The following TBC1D22A variants were observed in gnomAD, a reference collection of about 807,000 sequenced individuals.
The protein encoded by TBC1D22A is putative GTPase activator.
In TBC1D22A, 38 loss-of-function variants were observed where a neutral mutation model predicts 60.2. The observed-to-expected ratio is 0.63, with a 90% CI of 0.49 to 0.83. The LOEUF (loss-of-function observed/expected upper bound fraction) is 0.83, where lower values mean the gene tolerates loss of function less well. Among genes scored for constraint, TBC1D22A ranks in the 40% least tolerant of loss-of-function variants. The pLI, the probability that TBC1D22A is intolerant of heterozygous loss-of-function variation, is 0.00. For synonymous variants in TBC1D22A, 302 were observed against 281.7 expected, an observed-to-expected ratio of 1.07 and a Z score of -0.72; for missense variants, 628 against 701.0, an observed-to-expected ratio of 0.90 and a Z score of 1.18.
intron 11 of TBC1D22A, among the ~76,000 whole-genome samples, chr22:47,052,689 G>A (rs115162092): frequency 0.02 from 2,972 of 152,316 alleles, 99 homozygotes; most frequent in African/African-American, 0.064. Flanking sequence ...CCTGTCCTGA[G>A]CAGGACTCCT....
chr22:46,797,087 C>T (rs978530009), intron 3 of TBC1D22A, among the ~76,000 whole-genome samples: 2 of 151,972 alleles, frequency 1.3e-5, no homozygotes, highest in East Asian at 2.0e-4. Context: ...CCGAGGGCAC[C>T]GTCCTACACA....
chr22:46,954,076 C>T lies in TBC1D22A; in HGVS notation c.1016-20214C>T, dbSNP rs192747927. Reference sequence around the variant, plus strand: ...GGTCGAGGATCAGGTCACGGTCACACTAGTGTAGTTAAAATGCTGTTACCA... The same window carrying T: ...GGTCGAGGATCAGGTCACGGTCACATTAGTGTAGTTAAAATGCTGTTACCA... On this transcript the variant is annotated intron_variant, in intron 8 of 12. Transcript: ENST00000337137. Among the ~76,000 whole-genome samples, 5 of 152,292 alleles carry T rather than the reference C, an allele frequency of 3.3e-5. No homozygotes were observed. In the South Asian group the frequency reaches 1.0e-3, roughly 32 times the overall value.
At chr22:46,850,248 G>A (rs968561861) in intron 4 of TBC1D22A, among the ~76,000 whole-genome samples, 10 of 152,154 alleles carry the variant, frequency 6.6e-5, no homozygotes, top group Admixed American at 3.9e-4. Context: ...TGTGCCGTGG[G>A]GTTGTGGGTG....
At chr22:46,902,656 C>T (rs191255530) in intron 7 of TBC1D22A, among the ~76,000 whole-genome samples, 201 of 152,364 alleles carry the variant, frequency 1.3e-3, no homozygotes, top group East Asian at 3.1e-3. Context: ...GCTGACTCTT[C>T]GCCTCCACTC....
chr22:46,882,382 C>G (rs903791883), intron 5 of TBC1D22A, among the ~76,000 whole-genome samples: 2 of 152,100 alleles, frequency 1.3e-5, no homozygotes, highest in African/African-American at 4.8e-5. Context: ...AATACTGTTA[C>G]GTCGGTTCTT....
chr22:47,109,014 C>T (rs548379390), intron 11 of TBC1D22A, among the ~76,000 whole-genome samples: 31 of 152,234 alleles, frequency 2.0e-4, no homozygotes, highest in South Asian at 6.2e-4. Context: ...TAAAGTTTAT[C>T]GTATGAGAGT....
intron 11 of TBC1D22A, among the ~76,000 whole-genome samples, chr22:47,055,632 GGGAGGCAGAGA>G (rs1431739318): frequency 1.3e-5 from 2 of 152,214 alleles, no homozygotes; most frequent in East Asian, 3.9e-4. Flanking sequence ...GGTAGGTGTG[GGGAGGCAGAGA>G]GGTGCAGCCA....
intron 9 of TBC1D22A, among the ~76,000 whole-genome samples, chr22:46,992,578 C>A (rs1163962580): frequency 2.6e-5 from 4 of 152,234 alleles, no homozygotes; most frequent in African/African-American, 9.6e-5. Flanking sequence ...GATAGCATTC[C>A]CAGGCCTGCG....
At chr22:47,074,555 T>G (rs6009121) in intron 11 of TBC1D22A, among the ~76,000 whole-genome samples, 72,287 of 152,142 alleles carry the variant, frequency 0.48, 17,934 homozygotes, top group African/African-American at 0.59. Context: ...AGTGAATAAT[T>G]TACTTCTTTG....
intron 8 of TBC1D22A, among the ~76,000 whole-genome samples, chr22:46,966,668 G>A (rs2073819941): frequency 6.6e-6 from 1 of 152,170 alleles, no homozygotes; most frequent in South Asian, 2.1e-4. Flanking sequence ...GATACAGAAG[G>A]TTTCTTTCAC....
intron 1 of TBC1D22A, among the ~76,000 whole-genome samples, chr22:46,786,046 G>A (rs1401835993): frequency 6.6e-6 from 1 of 152,182 alleles, no homozygotes; most frequent in Non-Finnish European, 1.5e-5. Context: ...GCCTCCCAAA[G>A]TGCTGGATTA....
intron 8 of TBC1D22A, among the ~76,000 whole-genome samples, chr22:46,935,979 T>C (rs1159827437): frequency 6.6e-6 from 1 of 152,272 alleles, no homozygotes; most frequent in Non-Finnish European, 1.5e-5. Context: ...TCTGAAGCGC[T>C]GTGCTTATGC....
intron 8 of TBC1D22A, among the ~76,000 whole-genome samples, chr22:46,945,560 T>C (rs994010828): frequency 5.9e-5 from 9 of 152,174 alleles, no homozygotes; most frequent in Non-Finnish European, 1.3e-4. Flanking sequence ...GCTGACGGCA[T>C]TTCTCGTTAT....
chr22:46,781,140 G>GTTT lies in TBC1D22A; in HGVS notation c.63-11365_63-11363dup, dbSNP rs377531996. On this transcript the variant is annotated intron_variant, in intron 1 of 12. Coordinates refer to ENST00000337137, the MANE Select transcript of TBC1D22A (RefSeq NM_014346.5). The stretch of plus-strand genomic sequence containing the variant: ...TCCCTGGAGGTGCCCTCCCAATTTT[G>GTTT]TTTTTTTTTTTTTTTTTAGACAGGG... Among the ~76,000 whole-genome samples the GTTT allele has an allele frequency of 1.3e-3, 171 of 128,936 alleles. 2 individuals are homozygous for GTTT. Among genetic ancestry groups the GTTT allele is most frequent in the African/African-American group, 4.1e-3 (141 of 34,010 alleles). 84.6% of individuals were successfully genotyped at this position (128,936 alleles called of 152,430 possible). A position where few individuals can be genotyped will look rare whatever the true frequency, so the allele number is the denominator to read the frequency against.
intron 12 of TBC1D22A, among the ~76,000 whole-genome samples, chr22:47,135,121 C>G (rs2066816089): frequency 6.6e-6 from 1 of 152,248 alleles, no homozygotes; most frequent in Non-Finnish European, 1.5e-5. Context: ...GAGTGTCTTC[C>G]TCAGGGATAA....
rs751107155 is a variant in TBC1D22A at position 47,156,187 on chromosome 22, G to A, written c.1426-17311G>A. 1.5e-4 allele frequency among the ~76,000 whole-genome samples: 23 copies of A among 152,292 alleles called. 1 individual carries two copies. Among genetic ancestry groups the A allele is most frequent in the South Asian group, 1.0e-3 (5 of 4,816 alleles). ...TACCCCATGGTTTCACAGGCTCTGC[G>A]GAAGGTGACAGGTAGTGTCTGGGCT... On this transcript the variant is annotated intron_variant, in intron 12 of 12. Transcript: ENST00000337137.
At chr22:47,022,879 C>A (rs1286917139) in intron 10 of TBC1D22A, among the ~76,000 whole-genome samples, 1 of 152,150 alleles carries the variant, frequency 6.6e-6, no homozygotes, top group African/African-American at 2.4e-5. Flanking sequence ...TAATCTGTTC[C>A]CAAATGACTT....
chr22:46,856,250 G>A (rs1016803310), intron 4 of TBC1D22A, among the ~76,000 whole-genome samples: 16 of 152,198 alleles, frequency 1.1e-4, no homozygotes, highest in African/African-American at 1.9e-4. Context: ...TAATATTTAC[G>A]TAGCGTAGCA....
chr22:46,795,455 A>AGATGTCACCCTGG (rs913206406), intron 3 of TBC1D22A, among the ~76,000 whole-genome samples: 1 of 152,128 alleles, frequency 6.6e-6, no homozygotes, highest in Non-Finnish European at 1.5e-5. Flanking sequence ...GGGAGCTATG[A>AGATGTCACCCTGG]GATGTCACCC....
Sources: allele counts gnomAD v4.1 joint callset (sites outside exome capture counted in the v4.1 genomes callset), GRCh38; gene constraint gnomAD v4.1.1; transcripts MANE v1.5; gene names NCBI Gene and HGNC (gene_info 2026-07-23, HGNC 2026-07-21).